LRRC27: variants seen among roughly 807,000 people sequenced by gnomAD.
LRRC27 encodes the protein leucine rich repeat containing 27.
In LRRC27, 57 loss-of-function variants were observed where a neutral mutation model predicts 55.0. The observed-to-expected ratio is 1.04, with a 90% CI of 0.84 to 1.29. The LOEUF is 1.29. Among genes scored for constraint, LRRC27 ranks in the 50% most tolerant of loss-of-function variants. The pLI is 0.00. For synonymous variants in LRRC27, 278 were observed against 251.9 expected (o/e 1.10, Z -0.98); for missense variants, 721 against 651.5 (o/e 1.11, Z -1.16).
chr10:132,331,936 A>ACC (rs66639442), upstream of LRRC27: 2 of 365,634 alleles, frequency 5.5e-6, no homozygotes, highest in African/African-American at 6.9e-5. Flanking sequence ...CGCAAGCGCA[A>ACC]CCCCCCGCCC....
At chr10:132,367,139 C>A in intron 10 of LRRC27, 1 of 319,216 alleles carries the variant, frequency 3.1e-6, no homozygotes, top group Non-Finnish European at 4.6e-6. Flanking sequence ...ACTCTAGCCA[C>A]AGATTTGATA....
rs1163013994 is a variant in LRRC27 at position 132,358,364 on chromosome 10, G to A, written c.1170+2478G>A. On this transcript the variant is annotated intron_variant, in intron 8 of 10. Coordinates refer to ENST00000368614, the MANE Select transcript of LRRC27 (RefSeq NM_030626.3). ...GGAGGAGCCGAGGTGGTGGAGCAGC[G>A]TGGGGAGGAGCCGAGGTGATGGAGC... Among the ~76,000 whole-genome samples the A allele has an allele frequency of 1.0e-4, 11 of 108,938 alleles. 1 individual carries two copies. Among genetic ancestry groups the A allele is most frequent in the African/African-American group, 3.2e-4 (9 of 27,944 alleles). 71.5% of individuals were successfully genotyped at this position (108,938 alleles called of 152,430 possible).
intron 2 of LRRC27, among the ~76,000 whole-genome samples, chr10:132,334,193 T>C (rs1032052248): frequency 6.6e-6 from 1 of 152,256 alleles, no homozygotes; most frequent in Non-Finnish European, 1.5e-5. Flanking sequence ...ATGTGATTTC[T>C]AGAGAAAGCT....
chr10:132,338,053 C>T (rs1240841830), intron 3 of LRRC27, among the ~76,000 whole-genome samples: 2 of 152,162 alleles, frequency 1.3e-5, no homozygotes, highest in African/African-American at 2.4e-5. Flanking sequence ...CGGTGGCTCA[C>T]GCGTGTAATC....
In LRRC27 at chr10:132,359,129, G is replaced by A. The variant is rs868492642; in HGVS notation, c.1171-2328G>A. Among the ~76,000 whole-genome samples, 89 of 125,952 alleles carry A rather than the reference G, an allele frequency of 7.1e-4. 3 individuals are homozygous for A. In the Middle Eastern group the frequency reaches 0.021, roughly 29 times the overall value. 82.6% of individuals were successfully genotyped at this position (125,952 alleles called of 152,430 possible). A position where few individuals can be genotyped will look rare whatever the true frequency, so the allele number is the denominator to read the frequency against. On this transcript the variant is annotated intron_variant, in intron 8 of 10. Coordinates refer to ENST00000368614, the MANE Select transcript of LRRC27 (RefSeq NM_030626.3). ...TGGGGAGGAGCCGAGGTGGTGGAGC[G>A]TGGGAAGGAGCCGAGGTGGTGGAGC... is the stretch of plus-strand genomic sequence containing the variant.
intron 6 of LRRC27, chr10:132,351,311 C>G (rs996623578): frequency 1.2e-5 from 4 of 336,808 alleles, no homozygotes; most frequent in Non-Finnish European, 1.7e-5. Flanking sequence ...GTGCAGCTGC[C>G]GAGGCTGCAC....
rs1370563198 is a variant in LRRC27, at chr10:132,342,273, T to C, written c.400+2T>C. ...TCAAAATGTTACCTGTGGAGCTGGGTAAGTATAAAATAATAAAAAGATGAT... is the reference window on the plus strand; with the variant it reads ...TCAAAATGTTACCTGTGGAGCTGGGCAAGTATAAAATAATAAAAAGATGAT... On this transcript the variant is annotated splice_donor_variant, in intron 4 of 10. Transcript: ENST00000368614. LOFTEE classifies it high-confidence loss of function. 1.3e-6 allele frequency: 2 copies of C among 1,514,990 alleles called. No individual in the cohort carries two copies. The highest frequency in any genetic ancestry group is 2.4e-5 in the East Asian group (1 of 42,082). 93.8% of individuals were successfully genotyped at this position (1,514,990 alleles called of 1,614,324 possible).
Position 132,337,566 on chromosome 10 carries a change from A to C in LRRC27, c.212A>C (p.Gln71Pro). The C allele has an allele frequency of 6.2e-7, 1 of 1,612,366 alleles. No homozygotes were observed. The highest frequency in any genetic ancestry group is 8.5e-7 in the Non-Finnish European group (1 of 1,179,398). Residue 71 changes from glutamine (Q) to proline (P), a missense_variant and splice_region_variant, in exon 3 of 11, where the codon CAA (glutamine) becomes CCA (proline). Coordinates refer to ENST00000368614, the MANE Select transcript of LRRC27 (RefSeq NM_030626.3). ...EEVFRIPSLQ[Q>P]LHLQRNALCV... is the part of the protein sequence containing the mutation. ...CTCTGATTCTCTTTTCCATGGAAGCAATTGCATCTGCAAAGGAATGCCCTG... is the reference window on the plus strand; with the variant it reads ...CTCTGATTCTCTTTTCCATGGAAGCCATTGCATCTGCAAAGGAATGCCCTG...
upstream of LRRC27, chr10:132,330,303 G>A: frequency 1.6e-6 from 1 of 629,592 alleles, no homozygotes; most frequent in Non-Finnish European, 3.0e-6. Context: ...GTTAGTAAAT[G>A]TTTTATTTGT....
rs1343854201 is a variant in LRRC27 at position 132,375,232 on chromosome 10, G to C, written c.1583G>C (p.Arg528Thr). The part of the protein sequence containing the change: ...TKYGESGNVR[R>T]YQ ...TATGGAGAATCAGGAAATGTTCGCA[G>C]ATACCAGTGACACCAGGTGGCTGGA... The change falls in exon 11 of 11, where the codon AGA (arginine) becomes ACA (threonine). Residue 528 changes from arginine to threonine, a missense_variant. Arg to Thr is a moderately conservative substitution (Grantham distance 71, BLOSUM62 -1). Transcript: ENST00000368614. The C allele has an allele frequency of 6.2e-7, 1 of 1,612,734 alleles. No homozygotes were observed. The highest frequency in any genetic ancestry group is 1.7e-5 in the Admixed American group (1 of 59,958).
At chr10:132,355,528 G>A (rs2068266151) in intron 7 of LRRC27, among the ~76,000 whole-genome samples, 1 of 152,190 alleles carries the variant, frequency 6.6e-6, no homozygotes, top group South Asian at 2.1e-4. Context: ...TCGGTCACTG[G>A]GTCGGGTTGG....
At position 132,337,562 on chromosome 10, in the gene LRRC27, A is replaced by G. The variant is rs1235589160; in HGVS notation, c.211-3A>G. On this transcript the variant is annotated splice_polypyrimidine_tract_variant and splice_region_variant and intron_variant, in intron 2 of 10. Coordinates refer to ENST00000368614, the MANE Select transcript of LRRC27 (RefSeq NM_030626.3). ...CATTCTCTGATTCTCTTTTCCATGGAAGCAATTGCATCTGCAAAGGAATGC... is the reference window on the plus strand; with the variant it reads ...CATTCTCTGATTCTCTTTTCCATGGGAGCAATTGCATCTGCAAAGGAATGC... 1.2e-6 allele frequency: 2 copies of G among 1,611,644 alleles called. No individual in the cohort carries two copies. The highest frequency in any genetic ancestry group is 1.7e-6 in the Non-Finnish European group (2 of 1,179,158).
chr10:132,369,468 G>T (rs1262036800), intron 10 of LRRC27, among the ~76,000 whole-genome samples: 2 of 152,212 alleles, frequency 1.3e-5, no homozygotes, highest in Non-Finnish European at 2.9e-5. Context: ...AGACACGGGG[G>T]AGCCGACATG....
intron 7 of LRRC27, among the ~76,000 whole-genome samples, chr10:132,355,550 A>G (rs2068267877): frequency 6.6e-6 from 1 of 152,208 alleles, no homozygotes; most frequent in Non-Finnish European, 1.5e-5. Flanking sequence ...CCCCAGCATC[A>G]GTCACTGCTG....
intron 9 of LRRC27, among the ~76,000 whole-genome samples, chr10:132,362,093 A>C (rs980825188): frequency 6.6e-6 from 1 of 152,062 alleles, no homozygotes; most frequent in Non-Finnish European, 1.5e-5. Context: ...GGTGAAGGGG[A>C]CTCAGGCAAA....
chr10:132,364,376 C>CACTTACATCTACCT (rs1564852927), intron 9 of LRRC27, among the ~76,000 whole-genome samples: 3 of 124,542 alleles, frequency 2.4e-5, no homozygotes, highest in African/African-American at 1.0e-4. Flanking sequence ...CTTACACCCA[C>CACTTACATCTACCT]CCACACTTAC....
intron 4 of LRRC27, 120 bp from the exon 5 acceptor site, chr10:132,344,378 T>G: frequency 9.3e-7 from 1 of 1,075,910 alleles, no homozygotes; most frequent in Non-Finnish European, 1.3e-6. Context: ...AACGTGATTT[T>G]CCCCCAAATA....
At position 132,375,287 on chromosome 10, in the gene LRRC27, C is replaced by T. The variant is rs755214553; in HGVS notation, c.*45C>T. Reference sequence around the variant, plus strand: ...TGGAGACGTCTTCAGACAGGAGCCGCTCAGTCTTCTTTCCCGGGCGTCGCC... The same window carrying T: ...TGGAGACGTCTTCAGACAGGAGCCGTTCAGTCTTCTTTCCCGGGCGTCGCC... On this transcript the variant is annotated 3_prime_UTR_variant, in exon 11 of 11. Coordinates refer to ENST00000368614, the MANE Select transcript of LRRC27 (RefSeq NM_030626.3). 5 of 1,559,160 alleles carry T rather than the reference C, an allele frequency of 3.2e-6. No individual in the cohort carries two copies. Among genetic ancestry groups the T allele is most frequent in the Non-Finnish European group, 4.4e-6 (5 of 1,146,446 alleles).
intron 8 of LRRC27, among the ~76,000 whole-genome samples, chr10:132,358,157 G>A (rs1256703535): frequency 6.6e-6 from 1 of 152,254 alleles, no homozygotes; most frequent in Non-Finnish European, 1.5e-5. Flanking sequence ...TCCAGTAGAA[G>A]AAATGGGCAA....
Sources: gnomAD v4.1 joint callset for allele counts (sites outside exome capture counted in the v4.1 genomes callset) on GRCh38, gnomAD v4.1.1 for gene constraint, MANE v1.5 for transcripts, NCBI Gene and HGNC (gene_info 2026-07-23, HGNC 2026-07-21) for gene names.